Variants in SORCS2 observed in about 807,000 individuals in gnomAD.
SORCS2 encodes the protein sortilin related VPS10 domain containing receptor 2.
A neutral mutation model predicts 141.6 loss-of-function variants in SORCS2; 100 were observed. That is an observed-to-expected ratio of 0.71 (90% CI 0.60 to 0.83). The LOEUF (loss-of-function observed/expected upper bound fraction) is 0.83, where lower values mean the gene tolerates loss of function less well. Among genes scored for constraint, SORCS2 ranks in the 40% least tolerant of loss-of-function variants. The pLI is 0.00. For missense variants in SORCS2, 1,646 were observed against 1,560.2 expected, an observed-to-expected ratio of 1.05 and a Z score of -0.93; for synonymous variants, 789 against 676.9, an observed-to-expected ratio of 1.17 and a Z score of -2.57.
chr4:7,510,391 T>C (rs1482436101), intron 2 of SORCS2, among the ~76,000 whole-genome samples: 1 of 152,214 alleles, frequency 6.6e-6, no homozygotes, highest in Non-Finnish European at 1.5e-5. Flanking sequence ...GGGCGCCCTG[T>C]CCTGTCACCC....
chr4:7,471,232 G>A (rs918925999), intron 2 of SORCS2, among the ~76,000 whole-genome samples: 1 of 152,194 alleles, frequency 6.6e-6, no homozygotes, highest in Non-Finnish European at 1.5e-5. Context: ...TCCCCGCTCC[G>A]CTCAGCTCCT....
intron 2 of SORCS2, among the ~76,000 whole-genome samples, chr4:7,512,538 C>CT (rs1167736506): frequency 1.3e-5 from 2 of 152,108 alleles, no homozygotes; most frequent in African/African-American, 4.8e-5. Context: ...ACTCACTGGT[C>CT]TACAGCATAG....
At chr4:7,616,056 A>G (rs1429352091) in intron 3 of SORCS2, among the ~76,000 whole-genome samples, 2 of 152,186 alleles carry the variant, frequency 1.3e-5, no homozygotes, top group African/African-American at 4.8e-5. Flanking sequence ...GGTGTCCTAT[A>G]TTTTCTGGCA....
intron 2 of SORCS2, among the ~76,000 whole-genome samples, chr4:7,474,069 A>G (rs187645806): frequency 3.9e-3 from 597 of 152,238 alleles, no homozygotes; most frequent in Middle Eastern, 6.8e-3. Flanking sequence ...TGGTCGGTTG[A>G]TGGCCTCCCC....
chr4:7,516,512 G>T (rs556125232), intron 2 of SORCS2, among the ~76,000 whole-genome samples: 1 of 151,922 alleles, frequency 6.6e-6, no homozygotes, highest in African/African-American at 2.4e-5. Context: ...GTGTTTGGCT[G>T]TTGCGTCTGC....
intron 1 of SORCS2, among the ~76,000 whole-genome samples, chr4:7,289,761 A>C (rs914962093): frequency 6.6e-6 from 1 of 152,226 alleles, no homozygotes; most frequent in Non-Finnish European, 1.5e-5. Flanking sequence ...TGAGCTGCAG[A>C]GGCGGACGTG....
At chr4:7,454,992 A>G (rs1195468525) in intron 2 of SORCS2, among the ~76,000 whole-genome samples, 7 of 100,364 alleles carry the variant, frequency 7.0e-5, no homozygotes, top group Non-Finnish European at 7.6e-5. Context: ...GCTCCGTGTT[A>G]GTGTCATGCG....
chr4:7,370,456 GTTC>G (rs1722180916), intron 1 of SORCS2, among the ~76,000 whole-genome samples: 2 of 152,236 alleles, frequency 1.3e-5, no homozygotes, highest in South Asian at 4.1e-4. Context: ...CATCATTATA[GTTC>G]TTCATAATTA....
chr4:7,198,407 T>C (rs2108854178), intron 1 of SORCS2, among the ~76,000 whole-genome samples: 1 of 152,282 alleles, frequency 6.6e-6, no homozygotes, highest in Non-Finnish European at 1.5e-5. Flanking sequence ...GCTTGGTGGC[T>C]CCAAGCTTGG....
chr4:7,689,719 A>G (rs867838432), intron 11 of SORCS2, 131 bp downstream of exon 11: 10 of 796,334 alleles, frequency 1.3e-5, no homozygotes, highest in Middle Eastern at 4.9e-4. Context: ...GTACCACTGC[A>G]TCTCCAGGAA....
chr4:7,291,142 G>T (rs1178500918), intron 1 of SORCS2, among the ~76,000 whole-genome samples: 1 of 152,150 alleles, frequency 6.6e-6, no homozygotes, highest in East Asian at 1.9e-4. Context: ...GTCTAAGGCA[G>T]AGGCACCTGT....
Position 7,733,401 on chromosome 4 carries a change from C to T in SORCS2, c.3188C>T (p.Ala1063Val). The T allele has an allele frequency of 1.9e-6, 3 of 1,591,414 alleles. No individual in the cohort carries two copies. The South Asian group carries it at 3.4e-5, about 18-fold the overall frequency. The change falls in exon 24 of 27, where the codon GCC (alanine) becomes GTC (valine). Residue 1063 changes from alanine (A) to valine (V), a missense_variant. By Grantham distance (64) the Ala-to-Val change is moderately conservative. Coordinates refer to ENST00000507866, the MANE Select transcript of SORCS2 (RefSeq NM_020777.3). ...LLRGGVRVLV[A>V]LRDTGTGAEQ... ...CGAGGCGGAGTCCGGGTCCTGGTGG[C>T]CCTGCGGGACACAGGCACAGGTGAG...
At chr4:7,332,088 G>A (rs1311918831) in intron 1 of SORCS2, among the ~76,000 whole-genome samples, 2 of 152,182 alleles carry the variant, frequency 1.3e-5, no homozygotes, top group Non-Finnish European at 2.9e-5. Context: ...GGGAGAGAAC[G>A]CATGTTTAGT....
At chr4:7,470,824 A>G (rs949101405) in intron 2 of SORCS2, among the ~76,000 whole-genome samples, 2 of 152,248 alleles carry the variant, frequency 1.3e-5, no homozygotes, top group African/African-American at 2.4e-5. Flanking sequence ...CTTCACCTGC[A>G]TGAGCTCATT....
chr4:7,679,665 C>G (rs1028356025), intron 9 of SORCS2, among the ~76,000 whole-genome samples: 1 of 151,220 alleles, frequency 6.6e-6, no homozygotes, highest in Non-Finnish European at 1.5e-5. Flanking sequence ...GCAGAGGGAG[C>G]GCAGCCCTGC....
intron 3 of SORCS2, among the ~76,000 whole-genome samples, chr4:7,584,787 C>G (rs1343314583): frequency 6.6e-6 from 1 of 152,198 alleles, no homozygotes; most frequent in Non-Finnish European, 1.5e-5. Flanking sequence ...CCTCAACAGA[C>G]TGTGTGTGAG....
intron 4 of SORCS2, among the ~76,000 whole-genome samples, chr4:7,641,667 ATAT>A (rs1268647222): frequency 1.1e-4 from 16 of 151,996 alleles, no homozygotes; most frequent in East Asian, 1.9e-4. Context: ...CCGGCTGAAA[ATAT>A]TAGTTGGATG....
chr4:7,527,100 G>A (rs114994282), intron 2 of SORCS2, among the ~76,000 whole-genome samples: 6,726 of 152,234 alleles, frequency 0.044, 235 homozygotes, highest in Middle Eastern at 0.075. Context: ...GTGGCCCTGG[G>A]GACCGCCCGC....
intron 2 of SORCS2, among the ~76,000 whole-genome samples, chr4:7,505,075 A>C (rs2109441647): frequency 6.6e-6 from 1 of 152,364 alleles, no homozygotes; most frequent in East Asian, 1.9e-4. Flanking sequence ...GATGGGGAGC[A>C]GGACTGTGCA....
Sources: allele counts gnomAD v4.1 joint callset (sites outside exome capture counted in the v4.1 genomes callset), GRCh38; gene constraint gnomAD v4.1.1; transcripts MANE v1.5; gene names NCBI Gene and HGNC (gene_info 2026-07-23, HGNC 2026-07-21).